FDFT1: variants seen among roughly 807,000 people sequenced by gnomAD.
FDFT1 encodes farnesyl-diphosphate farnesyltransferase 1, also known as squalene synthase.
A neutral mutation model predicts 46.8 loss-of-function variants in FDFT1; 68 were observed. The observed-to-expected ratio is 1.45, with a 90% CI of 1.19 to 1.78. The LOEUF (loss-of-function observed/expected upper bound fraction) is 1.78, where lower values mean the gene tolerates loss of function less well. FDFT1 is among the 40% of genes most tolerant of loss of function. FDFT1 has a pLI of 0.00. For synonymous variants in FDFT1, 351 were observed against 185.1 expected (o/e 1.90, Z -7.28); for missense variants, 928 against 524.4 (o/e 1.77, Z -7.52).
rs551044199 is a variant in FDFT1, at chr8:11,833,502, C to T, written c.1032+1832C>T. On this transcript the variant is annotated intron_variant, in intron 7 of 7. Coordinates refer to ENST00000220584, the MANE Select transcript of FDFT1 (RefSeq NM_004462.5). ...GCAGTTTGATCACTAGTTTTAGAAA[C>T]CAGTTTTTAAACACTTTGTGGCCAA... Among the ~76,000 whole-genome samples the T allele has an allele frequency of 1.5e-4, 23 of 152,300 alleles. 1 individual carries two copies. In the South Asian group the frequency reaches 4.8e-3, roughly 32 times the overall value.
rs141935490 is a variant in FDFT1, at chr8:11,813,632, G to A, written c.381+3782G>A. Among the ~76,000 whole-genome samples, 1,449 of 152,292 alleles carry A rather than the reference G, an allele frequency of 9.5e-3. 20 individuals carry two copies. Among genetic ancestry groups the A allele is most frequent in the African/African-American group, 0.031 (1,288 of 41,532 alleles). On this transcript the variant is annotated intron_variant, in intron 3 of 7. Transcript: ENST00000220584. Reference sequence around the variant, plus strand: ...TTACTACCTCTAAGGTTTCTAATCAGAGGAATTTGTATCTGTATTCCCTGC... The same window carrying A: ...TTACTACCTCTAAGGTTTCTAATCAAAGGAATTTGTATCTGTATTCCCTGC...
intron 1 of FDFT1, 68 bp from the exon 2 acceptor site, chr8:11,808,722 TCCCA>T (rs1343075355): frequency 7.9e-5 from 122 of 1,546,780 alleles, no homozygotes; most frequent in East Asian, 4.7e-5. Flanking sequence ...CCACTCCCAC[TCCCA>T]CTCCCACTCC....
chr8:11,813,956 C>G (rs565562315), intron 3 of FDFT1, among the ~76,000 whole-genome samples: 3 of 152,266 alleles, frequency 2.0e-5, no homozygotes, highest in African/African-American at 7.2e-5. Context: ...GTCACTTTCT[C>G]CTGTATATTT....
chr8:11,838,730 T>A lies in FDFT1; in HGVS notation c.*121T>A, dbSNP rs576441834. On this transcript the variant is annotated 3_prime_UTR_variant, in exon 8 of 8. Coordinates refer to ENST00000220584, the MANE Select transcript of FDFT1 (RefSeq NM_004462.5). ...CTTTAATCCCTAAAAGAACGCTGTGTGGCTGGGACCTTTAGGAAAGTGAAA... is the reference window on the plus strand; with the variant it reads ...CTTTAATCCCTAAAAGAACGCTGTGAGGCTGGGACCTTTAGGAAAGTGAAA... 1.7e-5 allele frequency: 14 copies of A among 804,878 alleles called. No homozygotes were observed. The South Asian group carries it at 2.1e-4, about 12-fold the overall frequency. 49.9% of individuals were successfully genotyped at this position (804,878 alleles called of 1,614,324 possible). A position where few individuals can be genotyped will look rare whatever the true frequency, so the allele number is the denominator to read the frequency against.
chr8:11,806,246 ATC>A (rs912883034), intron 1 of FDFT1, among the ~76,000 whole-genome samples: 16 of 152,198 alleles, frequency 1.1e-4, no homozygotes, highest in African/African-American at 3.6e-4. Flanking sequence ...AGTGTGCTGA[ATC>A]TCAGACTGCA....
At chr8:11,801,319 G>C (rs1000148687), upstream of FDFT1, among the ~76,000 whole-genome samples, 1 of 152,194 alleles carries the variant, frequency 6.6e-6, no homozygotes, top group African/African-American at 2.4e-5. Context: ...GTACCTGACA[G>C]GTTTCCTGTT....
At chr8:11,815,755 G>A (rs1164181183) in intron 3 of FDFT1, among the ~76,000 whole-genome samples, 2 of 152,104 alleles carry the variant, frequency 1.3e-5, no homozygotes, top group East Asian at 3.8e-4. Context: ...GTTCTTTGTA[G>A]ATTCTGGATA....
upstream of FDFT1, among the ~76,000 whole-genome samples, chr8:11,798,721 TCAATAAATACTCATTGAGCACC>T (rs1196531043): frequency 5.3e-5 from 8 of 152,316 alleles, no homozygotes; most frequent in East Asian, 1.4e-3. Context: ...GCAGCTCAAT[TCAATAAATACTCATTGAGCACC>T]CAATAAATAT....
At chr8:11,820,755 C>T (rs1484179561) in intron 3 of FDFT1, among the ~76,000 whole-genome samples, 3 of 152,184 alleles carry the variant, frequency 2.0e-5, no homozygotes, top group East Asian at 1.9e-4. Flanking sequence ...GTATACTGTT[C>T]CTCCAGGTAC....
intron 4 of FDFT1, among the ~76,000 whole-genome samples, chr8:11,825,264 G>A (rs1039015551): frequency 3.3e-5 from 5 of 151,964 alleles, no homozygotes; most frequent in African/African-American, 9.7e-5. Context: ...AAGCTAGGGC[G>A]GGCACGGTGT....
chr8:11,819,879 T>C (rs1367590672), intron 3 of FDFT1, among the ~76,000 whole-genome samples: 1 of 152,172 alleles, frequency 6.6e-6, no homozygotes. Flanking sequence ...CATCCAGTTT[T>C]GTTCCTTTGC....
At chr8:11,802,381 A>G (rs897272825), upstream of FDFT1, 5 of 454,000 alleles carry the variant, frequency 1.1e-5, no homozygotes, top group Non-Finnish European at 2.2e-5. Flanking sequence ...ACTGCGGACC[A>G]CCGTTGGGCT....
intron 3 of FDFT1, among the ~76,000 whole-genome samples, chr8:11,810,750 C>T (rs1056356871): frequency 3.9e-5 from 6 of 152,018 alleles, no homozygotes; most frequent in African/African-American, 1.2e-4. Flanking sequence ...AGCAAAGTCA[C>T]ATGTTGTGTA....
chr8:11,806,309 C>T (rs1301997469), intron 1 of FDFT1, among the ~76,000 whole-genome samples: 2 of 152,104 alleles, frequency 1.3e-5, no homozygotes, highest in East Asian at 3.9e-4. Context: ...TTGCTTTCTC[C>T]CCTGGCTCAT....
At chr8:11,803,601 T>TC in intron 1 of FDFT1, 1 of 634,406 alleles carries the variant, frequency 1.6e-6, no homozygotes, top group Non-Finnish European at 2.2e-6. Context: ...GTGTTTTTAT[T>TC]CCAACAAGAA....
chr8:11,830,352 C>G lies in FDFT1; in HGVS notation c.811C>G (p.Pro271Ala), dbSNP rs780820890. The G allele has an allele frequency of 6.2e-7, 1 of 1,613,784 alleles. No homozygotes were observed. The highest frequency in any genetic ancestry group is 1.1e-5 in the South Asian group (1 of 91,078). The change falls in exon 6 of 8, where the codon CCA becomes GCA. Residue 271 changes from proline (P) to alanine (A), a missense_variant. Coordinates refer to ENST00000220584, the MANE Select transcript of FDFT1 (RefSeq NM_004462.5). ...TATAACCAATGCACTGCACCACATCCCAGATGTCATCACCTACCTTTCGAG... is the reference window on the plus strand; with the variant it reads ...TATAACCAATGCACTGCACCACATCGCAGATGTCATCACCTACCTTTCGAG... ...ELITNALHHIPDVITYLSRLR... is the reference protein window; with the variant it reads ...ELITNALHHIADVITYLSRLR...
chr8:11,802,978 G>T (rs778845028), intron 1 of FDFT1, 47 bp downstream of exon 1: 2 of 1,558,010 alleles, frequency 1.3e-6, no homozygotes, highest in Admixed American at 1.9e-5. Flanking sequence ...GGAGCTCGCT[G>T]GGCCGGCCTC....
At chr8:11,832,534 A>ATC (rs1810943494) in intron 7 of FDFT1, among the ~76,000 whole-genome samples, 1 of 126,704 alleles carries the variant, frequency 7.9e-6, no homozygotes, top group African/African-American at 2.9e-5. Flanking sequence ...CCTGGGTGAT[A>ATC]GAGTGAGACT....
chr8:11,837,354 C>G (rs1010304568), intron 7 of FDFT1, among the ~76,000 whole-genome samples: 5 of 152,216 alleles, frequency 3.3e-5, no homozygotes, highest in Non-Finnish European at 7.3e-5. Context: ...CCCCAGTCCC[C>G]AAGTAGCTGG....
Sources: allele counts gnomAD v4.1 joint callset (sites outside exome capture counted in the v4.1 genomes callset), GRCh38; gene constraint gnomAD v4.1.1; transcripts MANE v1.5; gene names NCBI Gene and HGNC (gene_info 2026-07-23, HGNC 2026-07-21).